The following DYNC1I1 variants were observed in gnomAD, a reference collection of about 807,000 sequenced individuals.
DYNC1I1 encodes dynein cytoplasmic 1 intermediate chain 1.
DYNC1I1 carries 43 observed loss-of-function variants against 86.6 expected under a neutral mutation model. The ratio of observed to expected loss-of-function variants is 0.50; its 90% CI spans 0.39 to 0.64. The LOEUF is 0.64. DYNC1I1 is among the 30% of genes least tolerant of loss of function. The pLI is 0.00. For missense variants in DYNC1I1, 604 were observed against 788.8 expected (o/e 0.77, Z 2.81); for synonymous variants, 262 against 283.7 (o/e 0.92, Z 0.77).
chr7:95,972,980 G>A (rs1793213568), intron 6 of DYNC1I1, among the ~76,000 whole-genome samples: 1 of 152,276 alleles, frequency 6.6e-6, no homozygotes, highest in Non-Finnish European at 1.5e-5. Context: ...TTAGAAATTA[G>A]CCCCTTGGAT....
Position 96,016,302 on chromosome 7 carries a change from G to GTT in DYNC1I1, c.970-11857_970-11856dup, listed in dbSNP as rs75914318. On this transcript the variant is annotated intron_variant, in intron 10 of 16. Coordinates refer to ENST00000447467, the MANE Select transcript of DYNC1I1 (RefSeq NM_001135556.2). ...TGCTGTGCTTAGTAGAACACTTTAGGTTTTTTTTTTTTTTTTTAATGGTCT... is the reference window on the plus strand; with the variant it reads ...TGCTGTGCTTAGTAGAACACTTTAGGTTTTTTTTTTTTTTTTTTTAATGGTCT... Among the ~76,000 whole-genome samples the GTT allele has an allele frequency of 3.4e-3, 455 of 132,718 alleles. 2 individuals are homozygous for GTT. The highest frequency in any genetic ancestry group is 0.011 in the African/African-American group (408 of 36,326). The allele number at this position is 132,718 out of a possible 152,430, so 87.1% of individuals were successfully genotyped here. A position where few individuals can be genotyped will look rare whatever the true frequency, so the allele number is the denominator to read the frequency against.
intron 6 of DYNC1I1, among the ~76,000 whole-genome samples, chr7:95,907,491 C>G (rs1791205847): frequency 6.6e-6 from 1 of 152,150 alleles, no homozygotes; most frequent in East Asian, 1.9e-4. Context: ...GGTCTCTTCA[C>G]TCTTCACTAT....
intron 6 of DYNC1I1, among the ~76,000 whole-genome samples, chr7:95,901,468 G>T (rs1584142327): frequency 6.6e-6 from 1 of 152,188 alleles, no homozygotes; most frequent in East Asian, 1.9e-4. Context: ...GAAGCAGGGT[G>T]TACACCAAAT....
intron 6 of DYNC1I1, among the ~76,000 whole-genome samples, chr7:95,919,885 GA>G: frequency 6.6e-6 from 1 of 152,210 alleles, no homozygotes; most frequent in Admixed American, 6.5e-5. Flanking sequence ...CTCAAAAGTA[GA>G]AAATACATAG....
At chr7:95,848,207 TG>T (rs762263719) in intron 5 of DYNC1I1, among the ~76,000 whole-genome samples, 115 of 90,182 alleles carry the variant, frequency 1.3e-3, no homozygotes, top group African/African-American at 4.0e-3. Flanking sequence ...GACTTACAGT[TG>T]TTTTTTTTTT....
downstream of DYNC1I1, chr7:96,110,135 G>C (rs549972685): frequency 7.8e-5 from 33 of 424,762 alleles, no homozygotes; most frequent in East Asian, 2.8e-3. Flanking sequence ...CCAAAATCTG[G>C]AAGTATAATT....
chr7:95,892,899 T>G (rs1790781385), intron 6 of DYNC1I1, among the ~76,000 whole-genome samples: 1 of 152,234 alleles, frequency 6.6e-6, no homozygotes, highest in South Asian at 2.1e-4. Context: ...TCACTTGCTT[T>G]TATGCTTTGC....
At chr7:95,845,873 A>G (rs756853256) in intron 5 of DYNC1I1, among the ~76,000 whole-genome samples, 5 of 152,172 alleles carry the variant, frequency 3.3e-5, no homozygotes, top group Admixed American at 3.3e-4. Flanking sequence ...AGAAGCTTCT[A>G]TCACCAAGTG....
chr7:95,884,036 A>T (rs1790527535), intron 6 of DYNC1I1, among the ~76,000 whole-genome samples: 1 of 152,196 alleles, frequency 6.6e-6, no homozygotes, highest in African/African-American at 2.4e-5. Context: ...AATAGACTCA[A>T]ATTCTGGTTC....
chr7:95,961,063 A>C (rs1180478138), intron 6 of DYNC1I1, among the ~76,000 whole-genome samples: 3 of 152,206 alleles, frequency 2.0e-5, no homozygotes, highest in Non-Finnish European at 1.5e-5. Context: ...TTTGGATTAG[A>C]AGGGGAATAA....
At chr7:95,838,119 G>A (rs192763893) in intron 5 of DYNC1I1, among the ~76,000 whole-genome samples, 86 of 152,254 alleles carry the variant, frequency 5.6e-4, no homozygotes, top group East Asian at 5.6e-3. Context: ...GGCCAATGTC[G>A]AAAATCTCAT....
intron 6 of DYNC1I1, among the ~76,000 whole-genome samples, chr7:95,946,749 A>G (rs151243563): frequency 3.0e-4 from 46 of 152,346 alleles, no homozygotes; most frequent in East Asian, 9.7e-4. Flanking sequence ...TAAGAACACT[A>G]TAGTGAACAA....
At chr7:96,028,827 G>A (rs1237819860) in intron 11 of DYNC1I1, among the ~76,000 whole-genome samples, 1 of 152,074 alleles carries the variant, frequency 6.6e-6, no homozygotes, top group Non-Finnish European at 1.5e-5. Context: ...TAATCCCTGG[G>A]GTTAAAAGTC....
intron 6 of DYNC1I1, among the ~76,000 whole-genome samples, chr7:95,872,906 C>T (rs1171649403): frequency 6.6e-6 from 1 of 152,158 alleles, no homozygotes; most frequent in Non-Finnish European, 1.5e-5. Flanking sequence ...CTTAGGGAGC[C>T]AGTCTTTTGC....
chr7:95,899,243 T>C (rs1443276509), intron 6 of DYNC1I1, among the ~76,000 whole-genome samples: 4 of 152,190 alleles, frequency 2.6e-5, no homozygotes. Context: ...GAAGGGACCA[T>C]GTTACATCTG....
intron 6 of DYNC1I1, among the ~76,000 whole-genome samples, chr7:95,900,849 A>G (rs1271140008): frequency 6.6e-6 from 1 of 152,216 alleles, no homozygotes; most frequent in East Asian, 1.9e-4. Context: ...CATATAAGGA[A>G]TGAGTTGCAC....
chr7:96,028,306 A>G lies in DYNC1I1; in HGVS notation c.1101A>G (p.Ser367=). The change falls in exon 11 of 17, where the codon TCA becomes TCG. Residue 367 remains serine, a synonymous_variant. Transcript: ENST00000447467. The part of the protein sequence containing the change: ...RRTPVQRTPL[S]AAAHTHPVYC... ...CTCCAGTGCAGCGGACACCCTTATC[A>G]GCTGCTGCACACACGGTAATGCAAA... The G allele has an allele frequency of 6.2e-7, 1 of 1,612,204 alleles. No individual in the cohort carries two copies. The highest frequency in any genetic ancestry group is 1.3e-5 in the African/African-American group (1 of 75,022).
At chr7:95,779,168 A>G (rs1371205686) in intron 1 of DYNC1I1, among the ~76,000 whole-genome samples, 1 of 152,238 alleles carries the variant, frequency 6.6e-6, no homozygotes, top group African/African-American at 2.4e-5. Flanking sequence ...CAAAATGTCA[A>G]TGATGCCGAA....
At chr7:95,868,944 G>T (rs756785215) in intron 5 of DYNC1I1, among the ~76,000 whole-genome samples, 1 of 146,444 alleles carries the variant, frequency 6.8e-6, no homozygotes. Flanking sequence ...TGTTTCCTGG[G>T]TGTCTCAGGA....
Sources: allele counts gnomAD v4.1 joint callset (sites outside exome capture counted in the v4.1 genomes callset), GRCh38; gene constraint gnomAD v4.1.1; transcripts MANE v1.5; gene names NCBI Gene and HGNC (gene_info 2026-07-23, HGNC 2026-07-21).